The following LRP1 variants were observed in gnomAD, a reference collection of about 807,000 sequenced individuals.
LRP1 encodes the protein LDL receptor related protein 1, also known as prolow-density lipoprotein receptor-related protein 1.
In LRP1, 51 loss-of-function variants were observed where a neutral mutation model predicts 541.5. That is an observed-to-expected ratio of 0.09 (90% confidence interval 0.08 to 0.12). LRP1 has a LOEUF of 0.12. Ranked by LOEUF, LRP1 falls within the 10% of genes least tolerant of loss-of-function variation. The probability of loss-of-function intolerance (pLI) is 1.00; values close to 1 mark genes in which losing one functional copy is unlikely to be tolerated. For synonymous variants in LRP1, 2,219 were observed against 2,470.8 expected (o/e 0.90, Z 3.02); for missense variants, 3,878 against 6,376.2 (o/e 0.61, Z 13.34).
chr12:57,186,689 A>T (rs1472078752), intron 41 of LRP1, among the ~76,000 whole-genome samples: 1 of 152,156 alleles, frequency 6.6e-6, no homozygotes, highest in East Asian at 1.9e-4. Flanking sequence ...CTGGCACATC[A>T]ATCCCCAGAC....
chr12:57,198,061 C>T (rs2036573767), intron 58 of LRP1, 95 bp from the exon 59 acceptor site: 1 of 1,077,784 alleles, frequency 9.3e-7, no homozygotes, highest in Non-Finnish European at 1.3e-6. Flanking sequence ...GGGAGCTCTA[C>T]CCCATTTTAC....
chr12:57,181,069 C>A, intron 33 of LRP1, 88 bp from the exon 34 acceptor site: 2 of 1,479,086 alleles, frequency 1.4e-6, no homozygotes, highest in Non-Finnish European at 1.8e-6. Flanking sequence ...AGTCAGTGAC[C>A]ATCCTGTTTC....
rs368374637 is a variant in LRP1, at chr12:57,203,299, G to T, written c.10818+12G>T. 34 of 1,598,558 alleles carry T rather than the reference G, an allele frequency of 2.1e-5. 2 individuals are homozygous for T. The Admixed American group carries it at 4.0e-4, about 19-fold the overall frequency. On this transcript the variant is annotated intron_variant, in intron 69 of 88. Transcript: ENST00000243077. ...ACGGCTCGGACGAGGTGGGCAGGGA[G>T]ATGAGAAGGAAGCAGATGGCCTCAG...
rs767664431 is a variant in LRP1 at position 57,138,496 on chromosome 12, A to G, written c.105A>G (p.Arg35=). 10 of 1,613,936 alleles carry G rather than the reference A, an allele frequency of 6.2e-6. No individual in the cohort carries two copies. In the South Asian group the frequency reaches 9.9e-5, roughly 16 times the overall value. ...KTCSPKQFAC[R]DQITCISKGW... ...GCAGCCCCAAGCAGTTTGCCTGCAG[A>G]GATCAAATAACCTGTATCTCAAAGG... Residue 35 remains arginine (R), a synonymous_variant, in exon 2 of 89, where the codon AGA becomes AGG. Transcript: ENST00000243077.
chr12:57,191,336 A>G lies in LRP1; in HGVS notation c.7253A>G (p.Glu2418Gly). The change falls in exon 44 of 89, where the codon GAG becomes GGG. Residue 2418 changes from glutamate to glycine, a missense_variant. Glu to Gly is a moderately conservative substitution (Grantham distance 98). This residue lies in a region of LRP1 where 1,100 missense variants were observed against 1,827.4 expected (regional missense o/e 0.60). Transcript: ENST00000243077. The part of the protein sequence containing the change: ...GSHRYVILKS[E>G]PVHPFGLAVY... ...TCTCCACAGGTGATCCTAAAGTCAG[A>G]GCCTGTCCACCCCTTCGGGCTGGCC... The G allele has an allele frequency of 6.2e-7, 1 of 1,606,500 alleles. No homozygotes were observed. Among genetic ancestry groups the G allele is most frequent in the Admixed American group, 1.7e-5 (1 of 59,692 alleles).
chr12:57,141,254 A>C (rs549085365), intron 2 of LRP1, 120 bp from the exon 3 acceptor site: 14 of 1,112,288 alleles, frequency 1.3e-5, no homozygotes, highest in Non-Finnish European at 1.8e-5. Flanking sequence ...GAGTCTAACT[A>C]GCCCCGAGGC....
At chr12:57,174,085 G>T (rs1323606176) in intron 22 of LRP1, 105 bp downstream of exon 22, 1 of 1,201,014 alleles carries the variant, frequency 8.3e-7, no homozygotes, top group African/African-American at 1.5e-5. Flanking sequence ...AGCTCTGGCA[G>T]CCGGGCAGGC....
rs2035627754 is a variant in LRP1, at chr12:57,156,743, GAGGGGTCCTA to G, written c.1418-32_1418-23del. 1 of 1,577,816 alleles carries G rather than the reference GAGGGGTCCTA, an allele frequency of 6.3e-7. No homozygotes were observed. The highest frequency in any genetic ancestry group is 8.7e-7 in the Non-Finnish European group (1 of 1,154,686). ...TCTCAAGGCCTGGCACAGGGGCTCT[GAGGGGTCCTA>G]ACAGCTCTTCACCCTGCCCCCAGTG... On this transcript the variant is annotated intron_variant, in intron 9 of 88. Coordinates refer to ENST00000243077, the MANE Select transcript of LRP1 (RefSeq NM_002332.3). The surrounding 1 kb of genome is among the most constrained non-coding windows in gnomAD (Gnocchi z 5.2).
chr12:57,145,051 T>G lies in LRP1; in HGVS notation c.528T>G (p.Val176=). ...NTDGSFICGC[V]EGYLLQPDNR... ...ACGGCTCCTTCATATGTGGCTGTGT[T>G]GAAGGATACCTCCTGCAGCCGGATA... is the stretch of plus-strand genomic sequence containing the variant. The change falls in exon 5 of 89, where the codon GTT becomes GTG. Residue 176 remains valine (V), a synonymous_variant. Transcript: ENST00000243077. 1 of 1,614,108 alleles carries G rather than the reference T, an allele frequency of 6.2e-7. No individual in the cohort carries two copies. Among genetic ancestry groups the G allele is most frequent in the Non-Finnish European group, 8.5e-7 (1 of 1,180,036 alleles).
At chr12:57,144,516 G>A (rs559985737) in intron 4 of LRP1, 17 of 159,116 alleles carry the variant, frequency 1.1e-4, no homozygotes, top group Non-Finnish European at 1.7e-4. Flanking sequence ...GCCGTCCCCC[G>A]ACCCCTCTAA....
chr12:57,149,708 C>T (rs575848000), intron 6 of LRP1: 55 of 735,726 alleles, frequency 7.5e-5, no homozygotes, highest in East Asian at 6.3e-4. Flanking sequence ...CCCAGGAGAA[C>T]GAGGTGACAC....
chr12:57,198,370 G>A, intron 59 of LRP1, 27 bp downstream of exon 59: 2 of 1,606,820 alleles, frequency 1.2e-6, no homozygotes, highest in Non-Finnish European at 8.5e-7. Context: ...GGTTGGGGGA[G>A]CCCCTGAAAG....
chr12:57,165,806 G>A lies in LRP1; in HGVS notation c.2532G>A (p.Ala844=), dbSNP rs778181386. The A allele has an allele frequency of 9.3e-6, 15 of 1,613,870 alleles. No homozygotes were observed. Among genetic ancestry groups the A allele is most frequent in the East Asian group, 2.2e-5 (1 of 44,890 alleles). ...CTCACGATCCTGTGGTGCCCACAGC[G>A]AACCCATCCTACGTGCCTCCACCCC... ...VLDADGVTCL[A]NPSYVPPPQC... The change falls in exon 16 of 89, where the codon GCG becomes GCA. Residue 844 remains alanine (A), a splice_region_variant and synonymous_variant. Transcript: ENST00000243077. This position sits in a 1 kb window ranked among gnomAD's most constrained non-coding sequence, Gnocchi z 4.5.
At chr12:57,190,640 T>C (rs533634053) in intron 42 of LRP1, among the ~76,000 whole-genome samples, 165 bp from the exon 43 acceptor site, 7 of 152,212 alleles carry the variant, frequency 4.6e-5, no homozygotes, top group East Asian at 3.9e-4. Context: ...GTCTGTGCAA[T>C]AGTGGGGCCC....
At position 57,205,080 on chromosome 12, in the gene LRP1, C is replaced by A. The variant is rs763147281; in HGVS notation, c.11195-29C>A. Reference sequence around the variant, plus strand: ...GGGAGGAGGAGGCAGGGGAGAATACCCAGGGCCTAAAGCCTCTGCCCTCCT... The same window carrying A: ...GGGAGGAGGAGGCAGGGGAGAATACACAGGGCCTAAAGCCTCTGCCCTCCT... On this transcript the variant is annotated intron_variant, in intron 72 of 88. Coordinates refer to ENST00000243077, the MANE Select transcript of LRP1 (RefSeq NM_002332.3). This position sits in a 1 kb window ranked among gnomAD's most constrained non-coding sequence, Gnocchi z 4.6. 1.3e-6 allele frequency: 2 copies of A among 1,597,188 alleles called. No individual in the cohort carries two copies. The highest frequency in any genetic ancestry group is 1.3e-5 in the African/African-American group (1 of 74,574).
At chr12:57,135,561 G>A (rs2035141672) in intron 1 of LRP1, among the ~76,000 whole-genome samples, 1 of 152,200 alleles carries the variant, frequency 6.6e-6, no homozygotes, top group South Asian at 2.1e-4. Flanking sequence ...TCTCGCTCCA[G>A]ATTCCTGGGC....
chr12:57,141,233 T>C (rs752659700), intron 2 of LRP1, 141 bp from the exon 3 acceptor site: 9 of 870,890 alleles, frequency 1.0e-5, no homozygotes, highest in African/African-American at 1.7e-5. Flanking sequence ...GTAAAAGAGT[T>C]CCAGGTGGAA....
chr12:57,174,784 G>A (rs992614515), intron 22 of LRP1, among the ~76,000 whole-genome samples: 4 of 152,176 alleles, frequency 2.6e-5, no homozygotes, highest in African/African-American at 9.7e-5. Context: ...AACAGGCAAG[G>A]GGAGGAGGGT....
intron 6 of LRP1, among the ~76,000 whole-genome samples, chr12:57,152,131 G>C (rs562914854): frequency 6.6e-6 from 1 of 151,984 alleles, no homozygotes; most frequent in African/African-American, 2.4e-5. Context: ...TCCTGAGGCT[G>C]GGGGGGCTGA....
Sources: gnomAD v4.1 joint callset for allele counts (sites outside exome capture counted in the v4.1 genomes callset) on GRCh38, gnomAD v4.1.1 for gene constraint, gnomAD v4.1.1 regional missense constraint, Gnocchi (gnomAD v3.1) non-coding constraint, MANE v1.5 for transcripts, NCBI Gene and HGNC (gene_info 2026-07-23, HGNC 2026-07-21) for gene names.